The following C10orf53 variants were observed in gnomAD, a reference collection of about 807,000 sequenced individuals.
The protein encoded by C10orf53 is UPF0728 protein C10orf53.
A neutral mutation model predicts 9.4 loss-of-function variants in C10orf53; 8 were observed. The ratio of observed to expected loss-of-function variants is 0.85; its 90% CI spans 0.50 to 1.53. The LOEUF is 1.53. C10orf53 is among the 40% of genes most tolerant of loss of function. The pLI is 0.00. For missense variants in C10orf53, 117 were observed against 117.8 expected (o/e 0.99, Z 0.03); for synonymous variants, 48 against 46.0 (o/e 1.04, Z -0.18).
chr10:49,685,056 G>C (rs970190960), intron 1 of C10orf53, among the ~76,000 whole-genome samples: 2 of 152,086 alleles, frequency 1.3e-5, no homozygotes, highest in Non-Finnish European at 2.9e-5. Context: ...CTCTACCTCT[G>C]TCTGTAGCCT....
At chr10:49,685,640 T>C (rs1011785644) in intron 1 of C10orf53, among the ~76,000 whole-genome samples, 9 of 152,202 alleles carry the variant, frequency 5.9e-5, no homozygotes, top group African/African-American at 2.2e-4. Context: ...TTTTTTTCCT[T>C]TCTGCACTTT....
intron 1 of C10orf53, among the ~76,000 whole-genome samples, chr10:49,682,537 GGA>G (rs1840489226): frequency 9.5e-4 from 1 of 1,054 alleles, no homozygotes; most frequent in African/African-American, 1.9e-3. Flanking sequence ...GCGTGGAGGG[GGA>G]CAGGAGCCAG....
At chr10:49,687,921 A>G (rs1840543886) in intron 1 of C10orf53, among the ~76,000 whole-genome samples, 1 of 152,058 alleles carries the variant, frequency 6.6e-6, no homozygotes, top group South Asian at 2.1e-4. Flanking sequence ...TAAGAAGGAG[A>G]AATGGCAGGG....
At chr10:49,688,631 CA>C (rs1274588832) in intron 1 of C10orf53, among the ~76,000 whole-genome samples, 1 of 138,078 alleles carries the variant, frequency 7.2e-6, no homozygotes, top group Non-Finnish European at 1.6e-5. Context: ...CTCACCCCCT[CA>C]TCTCACCCCC....
At chr10:49,707,848 T>G (rs2132894381) in intron 2 of C10orf53, among the ~76,000 whole-genome samples, 1 of 152,080 alleles carries the variant, frequency 6.6e-6, no homozygotes, top group African/African-American at 2.4e-5. Flanking sequence ...AGGCATCTAA[T>G]AGTATCTCAG....
chr10:49,703,054 C>T (rs960049885), intron 2 of C10orf53, among the ~76,000 whole-genome samples: 10 of 152,030 alleles, frequency 6.6e-5, no homozygotes, highest in Admixed American at 2.6e-4. Context: ...GGGGGGTCGC[C>T]GGGGGCCTCC....
chr10:49,704,489 C>A (rs1460697116), intron 2 of C10orf53, among the ~76,000 whole-genome samples: 2 of 152,254 alleles, frequency 1.3e-5, no homozygotes, highest in Admixed American at 6.5e-5. Flanking sequence ...ACCTGTAATC[C>A]CAGCACTTTG....
intron 1 of C10orf53, among the ~76,000 whole-genome samples, chr10:49,688,747 G>A (rs78365258): frequency 2.2e-4 from 34 of 151,838 alleles, no homozygotes; most frequent in Non-Finnish European, 2.8e-4. Flanking sequence ...CTTCACAGCC[G>A]CTCCGCCTGG....
chr10:49,686,947 C>T (rs563163816), intron 1 of C10orf53, among the ~76,000 whole-genome samples: 10 of 152,356 alleles, frequency 6.6e-5, no homozygotes, highest in Non-Finnish European at 1.0e-4. Context: ...ACTGGGAACA[C>T]AGGCTGCTAT....
At chr10:49,681,120 T>C (rs966217259) in intron 1 of C10orf53, among the ~76,000 whole-genome samples, 5 of 152,206 alleles carry the variant, frequency 3.3e-5, no homozygotes, top group African/African-American at 7.2e-5. Flanking sequence ...AGTGGGCTCA[T>C]TGGGACCTAG....
chr10:49,704,355 G>A (rs1294408809), intron 2 of C10orf53, among the ~76,000 whole-genome samples: 1 of 152,146 alleles, frequency 6.6e-6, no homozygotes, highest in African/African-American at 2.4e-5. Flanking sequence ...AAAAATGTAA[G>A]GAGGCAATTC....
intron 1 of C10orf53, among the ~76,000 whole-genome samples, chr10:49,680,419 T>G (rs1253724744): frequency 6.6e-6 from 1 of 152,174 alleles, no homozygotes; most frequent in Non-Finnish European, 1.5e-5. Flanking sequence ...AGCCCACATT[T>G]AAGTAGACCT....
chr10:49,702,221 AAGGAAGGGAGGGAGGG>A (rs1371809371), downstream of C10orf53, among the ~76,000 whole-genome samples: 5 of 118,640 alleles, frequency 4.2e-5, no homozygotes, highest in East Asian at 5.4e-4. Flanking sequence ...AAAAGGAAGG[AAGGAAGGGAGGGAGGG>A]AGGGAGGGAG....
chr10:49,708,792 T>C, exon 3 of C10orf53: 1 of 808,604 alleles, frequency 1.2e-6, no homozygotes, highest in South Asian at 1.8e-5. Context: ...CCCAACGTGA[T>C]TCTCCCCAGC....
Position 49,697,454 on chromosome 10 carries a change from A to G in C10orf53, c.*2852A>G, listed in dbSNP as rs1295302077. Among the ~76,000 whole-genome samples the G allele has an allele frequency of 6.6e-6, 1 of 152,250 alleles. No homozygotes were observed. Among genetic ancestry groups the G allele is most frequent in the Non-Finnish European group, 1.5e-5 (1 of 68,048 alleles). On this transcript the variant is annotated 3_prime_UTR_variant, in exon 3 of 3. Transcript: ENST00000374111. ...TCATGCTTTTAAAATACCACTGATT[A>G]AATCACATTTTAAGTTTTATAAGAT...
chr10:49,694,270 G>C, intron 2 of C10orf53: 1 of 589,672 alleles, frequency 1.7e-6, no homozygotes, highest in Non-Finnish European at 2.9e-6. Context: ...GACTTGCTAA[G>C]ACACTGAGTT....
chr10:49,687,404 T>C (rs2132877353), intron 1 of C10orf53, among the ~76,000 whole-genome samples: 1 of 152,364 alleles, frequency 6.6e-6, no homozygotes, highest in East Asian at 1.9e-4. Flanking sequence ...CCTGGTCACT[T>C]ATCTCCTGCC....
rs1237066915 is a variant in C10orf53, at chr10:49,697,202, AAT to A, written c.*2602_*2603del. On this transcript the variant is annotated 3_prime_UTR_variant, in exon 3 of 3. Coordinates refer to ENST00000374111, the MANE Select transcript of C10orf53 (RefSeq NM_001042427.3). ...AGTGAGACCCTGTCTCAGAAAATAA[AAT>A]AAAGATTTTGACATAGAAGCCACCT... Among the ~76,000 whole-genome samples the A allele has an allele frequency of 2.0e-5, 3 of 152,148 alleles. No homozygotes were observed. The highest frequency in any genetic ancestry group is 4.8e-5 in the African/African-American group (2 of 41,440).
chr10:49,684,069 TC>T (rs1444395104), intron 1 of C10orf53, among the ~76,000 whole-genome samples: 1 of 152,230 alleles, frequency 6.6e-6, no homozygotes, highest in East Asian at 1.9e-4. Context: ...CATATGGATA[TC>T]CAATTATCCC....
Sources: gnomAD v4.1 joint callset for allele counts (sites outside exome capture counted in the v4.1 genomes callset) on GRCh38, gnomAD v4.1.1 for gene constraint, MANE v1.5 for transcripts, NCBI Gene and HGNC (gene_info 2026-07-23, HGNC 2026-07-21) for gene names.